CMC2: variants seen among roughly 807,000 people sequenced by gnomAD.
CMC2 encodes the protein COX assembly mitochondrial protein 2 homolog.
Under a neutral mutation model 7.5 loss-of-function variants are expected in CMC2, and 5 were observed. That is an observed-to-expected ratio of 0.66 (90% CI 0.35 to 1.40). CMC2 has a LOEUF of 1.40. CMC2 is among the 40% of genes most tolerant of loss of function. The probability of loss-of-function intolerance (pLI) is 0.04; values close to 1 mark genes in which losing one functional copy is unlikely to be tolerated. For missense variants in CMC2, 115 were observed against 92.3 expected (o/e 1.25, Z -1.01); for synonymous variants, 37 against 31.4 (o/e 1.18, Z -0.60).
At chr16:80,985,785 A>G (rs1415173306) in intron 2 of CMC2, among the ~76,000 whole-genome samples, 1 of 151,506 alleles carries the variant, frequency 6.6e-6, no homozygotes, top group African/African-American at 2.4e-5. Flanking sequence ...AGAAAACCTG[A>G]AGGATGATAA....
At chr16:81,000,508 C>G (rs1371870399) in intron 1 of CMC2, among the ~76,000 whole-genome samples, 1 of 151,422 alleles carries the variant, frequency 6.6e-6, no homozygotes, top group Non-Finnish European at 1.5e-5. Context: ...AAAAACAAAA[C>G]AAATAAACAA....
chr16:80,988,588 G>C (rs1427154496), intron 2 of CMC2: 1 of 650,956 alleles, frequency 1.5e-6, no homozygotes, highest in Non-Finnish European at 2.8e-6. Context: ...CAGATATGAT[G>C]CACGTTTCCT....
At chr16:80,983,417 A>G (rs1967279633) in intron 2 of CMC2, 1 of 152,252 alleles carries the variant, frequency 6.6e-6, no homozygotes, top group Non-Finnish European at 1.5e-5. Context: ...AATGATAGGG[A>G]AGCCTACTTA....
Position 80,975,360 on chromosome 16 carries a change from T to C in CMC2, c.*733A>G, listed in dbSNP as rs890053043. The stretch of plus-strand genomic sequence containing the variant: ...TGGGCACAGTGGCTCACGCTTGTAA[T>C]CCCAACACTTTGGGAGGCTGAAGTG... On this transcript the variant is annotated 3_prime_UTR_variant, in exon 4 of 4. Transcript: ENST00000219400. The C allele has an allele frequency of 6.6e-6, 1 of 152,294 alleles. No individual in the cohort carries two copies. The highest frequency in any genetic ancestry group is 2.4e-5 in the African/African-American group (1 of 41,456). The allele number at this position is 152,294 out of a possible 1,614,324, so 9.4% of individuals were successfully genotyped here.
rs1300814048 is a variant in CMC2 at position 80,969,236 on chromosome 16, A to T, written c.*6857T>A. On this transcript the variant is annotated 3_prime_UTR_variant, in exon 4 of 4. Coordinates refer to ENST00000219400, the MANE Select transcript of CMC2 (RefSeq NM_020188.5). ...ACCCTCATATCCCAAAATACAAATG[A>T]GTGAGGTGAGGACAGAGCATCAAGA... The T allele has an allele frequency of 3.3e-5, 5 of 152,256 alleles. No individual in the cohort carries two copies. The highest frequency in any genetic ancestry group is 3.3e-4 in the Admixed American group (5 of 15,282). 9.4% of individuals were successfully genotyped at this position (152,256 alleles called of 1,614,324 possible). A position where few individuals can be genotyped will look rare whatever the true frequency, so the allele number is the denominator to read the frequency against.
At chr16:80,993,031 C>G (rs936609720) in intron 2 of CMC2, among the ~76,000 whole-genome samples, 17 of 152,098 alleles carry the variant, frequency 1.1e-4, no homozygotes, top group Non-Finnish European at 1.5e-5. Flanking sequence ...ATCCAGGTTT[C>G]TTAGTGTTTG....
At position 80,979,480 on chromosome 16, in the gene CMC2, C is replaced by CA. The variant is rs1225613937; in HGVS notation, c.153+2325dup. Among the ~76,000 whole-genome samples, 11 of 150,764 alleles carry CA rather than the reference C, an allele frequency of 7.3e-5. No homozygotes were observed. In the South Asian group the frequency reaches 2.3e-3, roughly 31 times the overall value. On this transcript the variant is annotated intron_variant, in intron 3 of 3. Coordinates refer to ENST00000219400, the MANE Select transcript of CMC2 (RefSeq NM_020188.5). Reference sequence around the variant, plus strand: ...GCAGTGGCAAAATTTCTGAACTATACAGGAAAAAAATTTAAAAACATGAAA... The same window carrying CA: ...GCAGTGGCAAAATTTCTGAACTATACAAGGAAAAAAATTTAAAAACATGAAA...
At position 80,973,800 on chromosome 16, in the gene CMC2, T is replaced by C. The variant is rs975763310; in HGVS notation, c.*2293A>G. On this transcript the variant is annotated 3_prime_UTR_variant, in exon 4 of 4. Coordinates refer to ENST00000219400, the MANE Select transcript of CMC2 (RefSeq NM_020188.5). ...TTGCCATAGCCTTCAGTGTGTACTTTACTCTACAGGGATCAGCAACAGCTG... is the reference window on the plus strand; with the variant it reads ...TTGCCATAGCCTTCAGTGTGTACTTCACTCTACAGGGATCAGCAACAGCTG... The C allele has an allele frequency of 5.9e-5, 9 of 151,308 alleles. No individual in the cohort carries two copies. Among genetic ancestry groups the C allele is most frequent in the Admixed American group, 5.2e-4 (8 of 15,260 alleles). The allele number at this position is 151,308 out of a possible 1,614,324, so 9.4% of individuals were successfully genotyped here.
At chr16:80,978,364 T>C (rs750082248) in intron 3 of CMC2, 27 of 1,267,326 alleles carry the variant, frequency 2.1e-5, no homozygotes, top group African/African-American at 1.7e-4. Context: ...AATTAAAATA[T>C]AGTCTACATT....
intron 1 of CMC2, among the ~76,000 whole-genome samples, chr16:81,005,996 A>C (rs1400614407): frequency 6.6e-6 from 1 of 152,216 alleles, no homozygotes. Flanking sequence ...TAAATCAACT[A>C]AACAAGTGCA....
At position 80,971,660 on chromosome 16, in the gene CMC2, T is replaced by C. The variant is rs1911938241; in HGVS notation, c.*4433A>G. ...AAATATATCAAAGTCAGGGTAGTAG[T>C]TACCACCAATAAAGAAATAAGTGGA... On this transcript the variant is annotated 3_prime_UTR_variant, in exon 4 of 4. Transcript: ENST00000219400. 1 of 149,028 alleles carries C rather than the reference T, an allele frequency of 6.7e-6. No individual in the cohort carries two copies. Among genetic ancestry groups the C allele is most frequent in the South Asian group, 2.1e-4 (1 of 4,762 alleles). The allele number at this position is 149,028 out of a possible 1,614,324, so 9.2% of individuals were successfully genotyped here.
At chr16:80,987,502 G>C (rs542804701) in intron 2 of CMC2, among the ~76,000 whole-genome samples, 1 of 152,224 alleles carries the variant, frequency 6.6e-6, no homozygotes, top group African/African-American at 2.4e-5. Flanking sequence ...AAGTAGCTTT[G>C]ACGAAATAAG....
chr16:80,998,103 CTTTTTTTTTTT>C (rs35026954), intron 1 of CMC2: 8 of 128,320 alleles, frequency 6.2e-5, no homozygotes, highest in Admixed American at 3.2e-4. Flanking sequence ...GGCAGCTGTT[CTTTTTTTTTTT>C]TTTTTTTTGT....
In CMC2 at chr16:80,973,752, G is replaced by A. The variant is rs1362539908; in HGVS notation, c.*2341C>T. On this transcript the variant is annotated 3_prime_UTR_variant, in exon 4 of 4. Transcript: ENST00000219400. ...TTTTATTTGTCAAACTCCCTTCCTA[G>A]AGGAAGCTGGAAAGGTAGATCATTG... 1 of 152,164 alleles carries A rather than the reference G, an allele frequency of 6.6e-6. No homozygotes were observed. The highest frequency in any genetic ancestry group is 1.9e-4 in the East Asian group (1 of 5,184). The allele number at this position is 152,164 out of a possible 1,614,324, so 9.4% of individuals were successfully genotyped here.
intron 2 of CMC2, among the ~76,000 whole-genome samples, chr16:80,986,430 G>A (rs994090979): frequency 6.6e-6 from 1 of 151,230 alleles, no homozygotes; most frequent in African/African-American, 2.4e-5. Flanking sequence ...ACTCCAGCCT[G>A]GGCGACAGAG....
At chr16:80,992,090 T>C (rs1290478436) in intron 2 of CMC2, 1 of 355,108 alleles carries the variant, frequency 2.8e-6, no homozygotes, top group African/African-American at 2.1e-5. Context: ...AAGATGTTAA[T>C]AATAAGGGAC....
chr16:80,969,162 AAG>A lies in CMC2; in HGVS notation c.*6929_*6930del, dbSNP rs1911750487. ...GCAACTATCTTTTTTATGATATAAA[AAG>A]GGCAGGAGGAGAGACAGTATTTACA... On this transcript the variant is annotated 3_prime_UTR_variant, in exon 4 of 4. Coordinates refer to ENST00000219400, the MANE Select transcript of CMC2 (RefSeq NM_020188.5). 6.6e-6 allele frequency: 1 copy of A among 152,234 alleles called. No homozygotes were observed. Among genetic ancestry groups the A allele is most frequent in the African/African-American group, 2.4e-5 (1 of 41,450 alleles). 9.4% of individuals were successfully genotyped at this position (152,234 alleles called of 1,614,324 possible).
Position 80,971,179 on chromosome 16 carries a change from T to C in CMC2, c.*4914A>G, listed in dbSNP as rs1911885731. 6.6e-6 allele frequency: 1 copy of C among 152,120 alleles called. No individual in the cohort carries two copies. The highest frequency in any genetic ancestry group is 2.1e-4 in the South Asian group (1 of 4,826). 9.4% of individuals were successfully genotyped at this position (152,120 alleles called of 1,614,324 possible). A position where few individuals can be genotyped will look rare whatever the true frequency, so the allele number is the denominator to read the frequency against. ...ACAAATCATAAAATCTTAAAAACAT[T>C]TGGGGTGTAATTTAGCAACTTCTAG... is the stretch of plus-strand genomic sequence containing the variant. On this transcript the variant is annotated 3_prime_UTR_variant, in exon 4 of 4. Transcript: ENST00000219400.
At chr16:81,002,727 T>C (rs1233333285) in intron 1 of CMC2, among the ~76,000 whole-genome samples, 2 of 152,186 alleles carry the variant, frequency 1.3e-5, no homozygotes, top group Non-Finnish European at 2.9e-5. Flanking sequence ...ACATATGCTA[T>C]TGTCAATCAG....
Sources: allele counts gnomAD v4.1 joint callset (sites outside exome capture counted in the v4.1 genomes callset), GRCh38; gene constraint gnomAD v4.1.1; transcripts MANE v1.5; gene names NCBI Gene and HGNC (gene_info 2026-07-23, HGNC 2026-07-21).